Variants in PRH1 observed in about 807,000 individuals in gnomAD.
The protein encoded by PRH1 is proline rich protein HaeIII subfamily 1, also known as salivary acidic proline-rich phosphoprotein 1/2.
Under a neutral mutation model 7.9 loss-of-function variants are expected in PRH1, and 7 were observed. The ratio of observed to expected loss-of-function variants is 0.89; its 90% CI spans 0.50 to 1.67. The LOEUF is 1.67. Among genes scored for constraint, PRH1 ranks in the 40% most tolerant of loss-of-function variants. The probability of loss-of-function intolerance (pLI) is 0.00; values close to 1 mark genes in which losing one functional copy is unlikely to be tolerated. For synonymous variants in PRH1, 45 were observed against 80.8 expected (o/e 0.56, Z 2.38); for missense variants, 109 against 223.6 (o/e 0.49, Z 3.27).
chr12:11,014,137 C>A (rs753174291), intron 1 of PRH1, among the ~76,000 whole-genome samples: 28 of 152,254 alleles, frequency 1.8e-4, no homozygotes, highest in East Asian at 1.5e-3. Flanking sequence ...GGATAATCAG[C>A]CTTATTCCTG....
chr12:11,063,994 G>A (rs1182001247), intron 1 of PRH1, among the ~76,000 whole-genome samples: 1 of 151,918 alleles, frequency 6.6e-6, no homozygotes, highest in African/African-American at 2.4e-5. Context: ...TGCACACTTA[G>A]AAATGAACCA....
At chr12:10,965,142 A>G in intron 2 of PRH1, 1 of 1,438,070 alleles carries the variant, frequency 7.0e-7, no homozygotes. Context: ...CCTGGATTCA[A>G]AACAGTTGCA....
intron 2 of PRH1, among the ~76,000 whole-genome samples, chr12:10,967,856 A>C (rs1047136058): frequency 2.0e-5 from 3 of 152,238 alleles, no homozygotes; most frequent in African/African-American, 7.2e-5. Flanking sequence ...ATCATTACTC[A>C]AGTGAGAGAT....
Position 11,061,401 on chromosome 12 carries a change from C to A in PRH1, n.124-14213G>T, listed in dbSNP as rs778835386. 4.8e-5 allele frequency: 77 copies of A among 1,613,892 alleles called. No homozygotes were observed. The East Asian group carries it at 1.6e-3, about 33-fold the overall frequency. On this transcript the variant is annotated intron_variant and non_coding_transcript_variant, in intron 1 of 4. Transcript: ENST00000541977. ...AAGGCTTCTCTCCTTTCACCCAGTA[C>A]CTCACATGCCACAAAACTGAAAGAA... is the stretch of plus-strand genomic sequence containing the variant.
At chr12:10,898,905 G>A (rs192369588) in intron 2 of PRH1, among the ~76,000 whole-genome samples, 17 of 152,316 alleles carry the variant, frequency 1.1e-4, no homozygotes, top group Middle Eastern at 3.4e-3. Context: ...TGACTGTTGC[G>A]GAGATGAGAG....
intron 2 of PRH1, chr12:10,908,678 T>A: frequency 1.2e-6 from 2 of 1,613,902 alleles, no homozygotes; most frequent in Non-Finnish European, 1.7e-6. Flanking sequence ...TCTGGAGATG[T>A]TTCTGCAGGG....
intron 1 of PRH1, among the ~76,000 whole-genome samples, chr12:11,094,325 A>AAAAAAAAAAAAAAC (rs1945023540): frequency 1.1e-5 from 1 of 87,092 alleles, no homozygotes; most frequent in African/African-American, 3.3e-5. Flanking sequence ...AAAAAAAAAA[A>AAAAAAAAAAAAAAC]CCCGACGTCA....
intron 1 of PRH1, among the ~76,000 whole-genome samples, chr12:11,005,259 G>A (rs890969614): frequency 3.9e-5 from 6 of 152,080 alleles, no homozygotes; most frequent in African/African-American, 1.4e-4. Context: ...ATGTTGAAGT[G>A]AAAAATGAGT....
intron 2 of PRH1, among the ~76,000 whole-genome samples, chr12:10,910,869 AT>A (rs1401695346): frequency 6.6e-6 from 1 of 152,212 alleles, no homozygotes; most frequent in African/African-American, 2.4e-5. Context: ...TTTATTACTC[AT>A]GCAATCTTTA....
intron 1 of PRH1, among the ~76,000 whole-genome samples, chr12:11,008,936 G>A (rs1430134085): frequency 1.3e-5 from 2 of 151,792 alleles, no homozygotes; most frequent in Non-Finnish European, 2.9e-5. Context: ...ACATAGAAAA[G>A]TCCAAAAAAT....
At chr12:10,897,818 A>G (rs1439192795) in intron 2 of PRH1, among the ~76,000 whole-genome samples, 1 of 151,452 alleles carries the variant, frequency 6.6e-6, no homozygotes, top group Non-Finnish European at 1.5e-5. Context: ...TAATCCAATC[A>G]CCTCCCACCA....
intron 1 of PRH1, among the ~76,000 whole-genome samples, chr12:11,157,832 G>A (rs1947300945): frequency 6.6e-6 from 1 of 152,176 alleles, no homozygotes; most frequent in Non-Finnish European, 1.5e-5. Flanking sequence ...GGTGGTGGTG[G>A]TGATGATGAT....
chr12:11,021,342 T>C (rs1358638931), intron 1 of PRH1, among the ~76,000 whole-genome samples: 1 of 152,176 alleles, frequency 6.6e-6, no homozygotes, highest in Non-Finnish European at 1.5e-5. Flanking sequence ...ATAAAAGCTG[T>C]ACGTTCTTAA....
chr12:10,953,013 C>T (rs972018848), intron 2 of PRH1, among the ~76,000 whole-genome samples: 3 of 152,004 alleles, frequency 2.0e-5, no homozygotes, highest in Non-Finnish European at 4.4e-5. Context: ...AAACTAGACC[C>T]CAGACTTAGA....
chr12:10,997,161 C>T, intron 1 of PRH1: 1 of 1,613,988 alleles, frequency 6.2e-7, no homozygotes, highest in Non-Finnish European at 8.5e-7. Flanking sequence ...AAGTAAATGG[C>T]AAGTAATATG....
At chr12:11,061,249 C>A in intron 1 of PRH1, 1 of 1,120,972 alleles carries the variant, frequency 8.9e-7, no homozygotes, top group African/African-American at 1.5e-5. Flanking sequence ...TTTCTAGGTA[C>A]ATGCTTGAAA....
chr12:11,099,708 AAC>A (rs201483367), intron 1 of PRH1, among the ~76,000 whole-genome samples: 10 of 151,910 alleles, frequency 6.6e-5, no homozygotes, highest in Non-Finnish European at 1.3e-4. Context: ...AAAAACAGAA[AAC>A]ACACACACAC....
chr12:11,081,262 T>C lies in PRH1; in HGVS notation n.124-34074A>G, dbSNP rs1471592015. ...CTTCTACTGCATCTAACTGGTTAAC[T>C]CTGTCTATTGGATTCTCAATATTGA... On this transcript the variant is annotated intron_variant and non_coding_transcript_variant, in intron 1 of 4. Coordinates refer to the PRH1 transcript ENST00000541977. Among the ~76,000 whole-genome samples, 3 of 137,108 alleles carry C rather than the reference T, an allele frequency of 2.2e-5. 1 individual carries two copies. The highest frequency in any genetic ancestry group is 7.8e-5 in the African/African-American group (3 of 38,512). 89.9% of individuals were successfully genotyped at this position (137,108 alleles called of 152,430 possible). A position where few individuals can be genotyped will look rare whatever the true frequency, so the allele number is the denominator to read the frequency against.
chr12:11,054,686 T>C (rs968780211), intron 1 of PRH1, among the ~76,000 whole-genome samples: 1 of 152,238 alleles, frequency 6.6e-6, no homozygotes, highest in Non-Finnish European at 1.5e-5. Context: ...CTATAATTTA[T>C]TGGAAATTCA....
Sources: allele counts gnomAD v4.1 joint callset (sites outside exome capture counted in the v4.1 genomes callset), GRCh38; gene constraint gnomAD v4.1.1; transcripts MANE v1.5; gene names NCBI Gene and HGNC (gene_info 2026-07-23, HGNC 2026-07-21).